TAB1: variants seen among roughly 807,000 people sequenced by gnomAD.
TAB1 encodes TGF-beta-activated kinase 1 and MAP3K7-binding protein 1.
A neutral mutation model predicts 54.5 loss-of-function variants in TAB1; 30 were observed. The ratio of observed to expected loss-of-function variants is 0.55; its 90% CI spans 0.41 to 0.75. TAB1 has a LOEUF of 0.75. Among genes scored for constraint, TAB1 ranks in the 30% least tolerant of loss-of-function variants. TAB1 has a pLI of 0.00. For synonymous variants in TAB1, 289 were observed against 286.9 expected (o/e 1.01, Z -0.07); for missense variants, 609 against 683.2 (o/e 0.89, Z 1.21).
rs976288248 is a variant in TAB1, at chr22:39,426,640, A to G, written c.922-63A>G. 2.2e-5 allele frequency: 32 copies of G among 1,429,796 alleles called. No homozygotes were observed. The African/African-American group carries it at 4.1e-4, about 18-fold the overall frequency. The allele number at this position is 1,429,796 out of a possible 1,614,324, so 88.6% of individuals were successfully genotyped here. The stretch of plus-strand genomic sequence containing the variant: ...TCTCCTGATTTTAGGCTCCAAGATT[A>G]TGGCCCATGCCCCCCAGGCCGCACC... On this transcript the variant is annotated intron_variant, in intron 8 of 10. Transcript: ENST00000216160.
At chr22:39,414,230 C>T (rs935756436) in intron 1 of TAB1, among the ~76,000 whole-genome samples, 3 of 151,992 alleles carry the variant, frequency 2.0e-5, no homozygotes, top group African/African-American at 7.2e-5. Context: ...CCGAAGGACC[C>T]GGAGAATTGG....
At chr22:39,413,148 T>C (rs1926679857) in intron 1 of TAB1, among the ~76,000 whole-genome samples, 1 of 152,016 alleles carries the variant, frequency 6.6e-6, no homozygotes, top group Non-Finnish European at 1.5e-5. Context: ...TCTTCTGACC[T>C]CATGATCCAC....
In TAB1 at chr22:39,430,346, C is replaced by T. The variant is rs933219931; in HGVS notation, c.*124C>T. The T allele has an allele frequency of 6.6e-7, 1 of 1,516,892 alleles. No homozygotes were observed. Among genetic ancestry groups the T allele is most frequent in the Non-Finnish European group, 8.8e-7 (1 of 1,135,620 alleles). 94.0% of individuals were successfully genotyped at this position (1,516,892 alleles called of 1,614,324 possible). On this transcript the variant is annotated 3_prime_UTR_variant, in exon 11 of 11. Coordinates refer to ENST00000216160, the MANE Select transcript of TAB1 (RefSeq NM_006116.3). ...CCCCATCCTCTGCCCACAGCAGACT[C>T]TGTCCCATGGCTCTCCGGGCAGTAG...
At chr22:39,423,859 G>C (rs1052176522) in intron 8 of TAB1, among the ~76,000 whole-genome samples, 3 of 151,450 alleles carry the variant, frequency 2.0e-5, no homozygotes, top group African/African-American at 7.3e-5. Context: ...GTGTTTTATA[G>C]TGTACATTGT....
intron 6 of TAB1, 22 bp from the exon 7 acceptor site, chr22:39,419,497 G>A: frequency 6.4e-7 from 1 of 1,567,594 alleles, no homozygotes; most frequent in Non-Finnish European, 8.7e-7. Flanking sequence ...AAGCAGGATT[G>A]TTGCACTGTT....
chr22:39,428,242 G>C, intron 10 of TAB1, 59 bp downstream of exon 10: 1 of 1,252,996 alleles, frequency 8.0e-7, no homozygotes, highest in Non-Finnish European at 1.1e-6. Flanking sequence ...GTGTCCTGTG[G>C]CACCAGGACA....
rs184408381 is a variant in TAB1 at position 39,411,065 on chromosome 22, G to A, written c.34-3941G>A. ...CACACAATTCAATGGAGAAAAGCTAGTCTTTTCAACAAATGGTGTTGGAAT... is the reference window on the plus strand; with the variant it reads ...CACACAATTCAATGGAGAAAAGCTAATCTTTTCAACAAATGGTGTTGGAAT... On this transcript the variant is annotated intron_variant, in intron 1 of 10. Transcript: ENST00000216160. Among the ~76,000 whole-genome samples the A allele has an allele frequency of 4.4e-3, 674 of 151,970 alleles. 7 individuals carry two copies. The highest frequency in any genetic ancestry group is 0.016 in the African/African-American group (650 of 41,442).
intron 8 of TAB1, among the ~76,000 whole-genome samples, chr22:39,425,745 A>G (rs1211109613): frequency 6.6e-6 from 1 of 150,406 alleles, no homozygotes. Flanking sequence ...ATGGGGTTTC[A>G]CCGTATTAGC....
rs1004172804 is a variant in TAB1 at position 39,426,808 on chromosome 22, G to A, written c.1027G>A (p.Ala343Thr). The A allele has an allele frequency of 8.1e-6, 13 of 1,613,870 alleles. No homozygotes were observed. Among genetic ancestry groups the A allele is most frequent in the Non-Finnish European group, 1.1e-5 (13 of 1,180,062 alleles). The change falls in exon 9 of 11, where the codon GCC becomes ACC. Residue 343 changes from alanine to threonine, a missense_variant. By Grantham distance (58) the Ala-to-Thr change is moderately conservative (BLOSUM62 0). Transcript: ENST00000216160. ...RVKRIHSDTF[A>T]SGGERARFCP... ...GAAGCGCATCCACAGCGACACCTTC[G>A]CCAGTGGTGGGGAGCGTGCCAGGTT...
rs529370174 is a variant in TAB1, at chr22:39,419,314, C to G, written c.665-205C>G. Among the ~76,000 whole-genome samples, 3 of 152,282 alleles carry G rather than the reference C, an allele frequency of 2.0e-5. No individual in the cohort carries two copies. In the East Asian group the frequency reaches 5.8e-4, roughly 29 times the overall value. ...CCAGGTGGTGCCTGGAGGACGGGCT[C>G]TGAGTGAGGTGTGTCGTGATGGGCG... is the stretch of plus-strand genomic sequence containing the variant. On this transcript the variant is annotated intron_variant, in intron 6 of 10. Coordinates refer to ENST00000216160, the MANE Select transcript of TAB1 (RefSeq NM_006116.3).
At chr22:39,427,160 GC>G (rs1231635395) in intron 9 of TAB1, among the ~76,000 whole-genome samples, 3 of 152,198 alleles carry the variant, frequency 2.0e-5, no homozygotes, top group African/African-American at 4.8e-5. Context: ...GAACCTGAGT[GC>G]CCCAGCAAGC....
At chr22:39,421,010 T>C (rs1002548971) in intron 7 of TAB1, among the ~76,000 whole-genome samples, 3 of 151,584 alleles carry the variant, frequency 2.0e-5, no homozygotes, top group African/African-American at 7.3e-5. Context: ...TGCTGGTGTG[T>C]CCTGCCCCTC....
chr22:39,425,049 T>G lies in TAB1; in HGVS notation c.922-1654T>G, dbSNP rs2145679571. On this transcript the variant is annotated intron_variant, in intron 8 of 10. Transcript: ENST00000216160. ...TCCCATACCCCTACAACCATTCTGT[T>G]TTTCACTGTCAAAACAGTACTCAAT... Among the ~76,000 whole-genome samples the G allele has an allele frequency of 1.3e-5, 2 of 152,200 alleles. 1 individual carries two copies. Among genetic ancestry groups the G allele is most frequent in the Middle Eastern group, 6.8e-3 (2 of 294 alleles).
intron 1 of TAB1, among the ~76,000 whole-genome samples, chr22:39,409,786 G>A (rs184470046): frequency 3.3e-5 from 5 of 152,256 alleles, no homozygotes; most frequent in Admixed American, 2.0e-4. Flanking sequence ...TTCCTAGCAC[G>A]TAGCGCTGTC....
In TAB1 at chr22:39,431,292, G is replaced by C. The variant is rs1927574198; in HGVS notation, c.*1070G>C. Reference sequence around the variant, plus strand: ...ACATGTTCTCTGCCTTCAGTGGGGAGGGGGTGCCACCAGGGCTGTCGGCCA... The same window carrying C: ...ACATGTTCTCTGCCTTCAGTGGGGACGGGGTGCCACCAGGGCTGTCGGCCA... On this transcript the variant is annotated 3_prime_UTR_variant, in exon 11 of 11. Transcript: ENST00000216160. 1 of 985,528 alleles carries C rather than the reference G, an allele frequency of 1.0e-6. No individual in the cohort carries two copies. The highest frequency in any genetic ancestry group is 6.1e-5 in the Admixed American group (1 of 16,274). The allele number at this position is 985,528 out of a possible 1,614,324, so 61.0% of individuals were successfully genotyped here.
chr22:39,399,928 A>G, intron 1 of TAB1, 93 bp downstream of exon 1: 1 of 1,374,448 alleles, frequency 7.3e-7, no homozygotes, highest in South Asian at 1.3e-5. Flanking sequence ...GAGTTTGGAC[A>G]GCCACCCTCT....
chr22:39,430,290 C>A lies in TAB1; in HGVS notation c.*68C>A. On this transcript the variant is annotated 3_prime_UTR_variant, in exon 11 of 11. Transcript: ENST00000216160. The stretch of plus-strand genomic sequence containing the variant: ...AGGACAGGGTCCAGCCTTTTCCTAA[C>A]ATCTGCCTGTGCCACAACGGCCAGC... The A allele has an allele frequency of 6.3e-7, 1 of 1,589,674 alleles. No homozygotes were observed. The highest frequency in any genetic ancestry group is 1.1e-5 in the South Asian group (1 of 90,388).
intron 1 of TAB1, among the ~76,000 whole-genome samples, chr22:39,402,853 C>G (rs1444542187): frequency 1.3e-5 from 2 of 152,148 alleles, no homozygotes; most frequent in African/African-American, 4.8e-5. Flanking sequence ...TGCCCGGCCA[C>G]AAAGAGGTTC....
At chr22:39,420,893 T>C (rs1927053957) in intron 7 of TAB1, among the ~76,000 whole-genome samples, 1 of 137,838 alleles carries the variant, frequency 7.3e-6, no homozygotes, top group Non-Finnish European at 1.5e-5. Flanking sequence ...TGTGTGTGTG[T>C]GTGTGTGTGT....
Sources: allele counts gnomAD v4.1 joint callset (sites outside exome capture counted in the v4.1 genomes callset), GRCh38; gene constraint gnomAD v4.1.1; transcripts MANE v1.5; gene names NCBI Gene and HGNC (gene_info 2026-07-23, HGNC 2026-07-21).